CHCHD6: variants seen among roughly 807,000 people sequenced by gnomAD.
CHCHD6 encodes coiled-coil-helix-coiled-coil-helix domain containing 6, also known as MICOS complex subunit MIC25.
A neutral mutation model predicts 32.3 loss-of-function variants in CHCHD6; 28 were observed. The ratio of observed to expected loss-of-function variants is 0.87; its 90% CI spans 0.64 to 1.19. The LOEUF is 1.19. Among genes scored for constraint, CHCHD6 ranks in the 50% most tolerant of loss-of-function variants. The pLI is 0.00. For missense variants in CHCHD6, 333 were observed against 307.0 expected (o/e 1.08, Z -0.63); for synonymous variants, 122 against 117.5 (o/e 1.04, Z -0.25).
At chr3:126,924,115 C>T (rs564658848) in intron 6 of CHCHD6, among the ~76,000 whole-genome samples, 45 of 152,274 alleles carry the variant, frequency 3.0e-4, no homozygotes, top group Admixed American at 1.4e-3. Flanking sequence ...GAGCTCCAGA[C>T]GACAGCTACG....
intron 6 of CHCHD6, among the ~76,000 whole-genome samples, chr3:126,946,431 G>A (rs987715859): frequency 2.6e-5 from 4 of 152,194 alleles, no homozygotes; most frequent in African/African-American, 9.7e-5. Flanking sequence ...GTCACACGCA[G>A]CCTCTGCCTC....
intron 7 of CHCHD6, among the ~76,000 whole-genome samples, chr3:126,959,917 G>T (rs1158945662): frequency 6.6e-6 from 1 of 152,242 alleles, no homozygotes; most frequent in African/African-American, 2.4e-5. Context: ...AGGGGCAGGG[G>T]ACCTGCCTTC....
chr3:126,859,549 G>A (rs571606071), intron 5 of CHCHD6, among the ~76,000 whole-genome samples: 2 of 152,348 alleles, frequency 1.3e-5, no homozygotes, highest in African/African-American at 4.8e-5. Context: ...CAGAATGACA[G>A]TCACTATAAT....
chr3:126,960,128 A>T, intron 7 of CHCHD6, 68 bp from the exon 8 acceptor site: 1 of 1,548,202 alleles, frequency 6.5e-7, no homozygotes, highest in South Asian at 1.2e-5. Context: ...TCACAGGGCG[A>T]TCTGCACGGA....
rs1255739654 is a variant in CHCHD6 at position 126,869,718 on chromosome 3, G to T, written c.495+16988G>T. ...GTTACTCTGTTTTCCTGATCTGTTG[G>T]TTTAATGTTATAGATACTACTTTTG... is the stretch of plus-strand genomic sequence containing the variant. On this transcript the variant is annotated intron_variant, in intron 5 of 7. Transcript: ENST00000290913. 3.9e-5 allele frequency among the ~76,000 whole-genome samples: 6 copies of T among 152,148 alleles called. No individual in the cohort carries two copies. The South Asian group carries it at 1.0e-3, about 26-fold the overall frequency.
At chr3:126,765,522 C>T (rs1937334478) in intron 4 of CHCHD6, among the ~76,000 whole-genome samples, 1 of 152,208 alleles carries the variant, frequency 6.6e-6, no homozygotes, top group Admixed American at 6.5e-5. Flanking sequence ...CAGAACGGTA[C>T]CCCGAGTCTC....
At chr3:126,916,174 G>T (rs1227304481) in intron 6 of CHCHD6, among the ~76,000 whole-genome samples, 3 of 152,076 alleles carry the variant, frequency 2.0e-5, no homozygotes, top group Non-Finnish European at 2.9e-5. Context: ...GCCGAGGTGG[G>T]CAGATCACCT....
intron 4 of CHCHD6, among the ~76,000 whole-genome samples, chr3:126,748,880 T>C (rs115275299): frequency 0.012 from 1,812 of 152,124 alleles, 18 homozygotes; most frequent in Middle Eastern, 0.048. Flanking sequence ...CCTGGTCCAG[T>C]TGGAGAAACA....
chr3:126,922,622 CGTGTGTGTGT>C (rs10544737), intron 6 of CHCHD6, among the ~76,000 whole-genome samples: 4 of 147,740 alleles, frequency 2.7e-5, no homozygotes, highest in Admixed American at 6.7e-5. Flanking sequence ...CAGCCCACCA[CGTGTGTGTGT>C]GTGTGTGTGT....
chr3:126,957,920 T>G, intron 7 of CHCHD6: 1 of 368,630 alleles, frequency 2.7e-6, no homozygotes, highest in Non-Finnish European at 5.2e-6. Context: ...GAGGCCCGAG[T>G]GCAGAGTGGG....
Position 126,733,189 on chromosome 3 carries a change from C to T in CHCHD6, c.378C>T (p.Ser126=), listed in dbSNP as rs777411596. The T allele has an allele frequency of 2.5e-6, 4 of 1,614,142 alleles. No homozygotes were observed. Among genetic ancestry groups the T allele is most frequent in the East Asian group, 2.2e-5 (1 of 44,882 alleles). ...CATCCCTGCCCACGGGCGAAGGCAG[C>T]ATCAGCCATGAGGAGCAGAAGTCAG... ...SKASLPTGEG[S]ISHEEQKSVR... The change falls in exon 4 of 8, where the codon AGC becomes AGT. Residue 126 remains serine (S), a synonymous_variant. Coordinates refer to ENST00000290913, the MANE Select transcript of CHCHD6 (RefSeq NM_032343.3).
intron 5 of CHCHD6, among the ~76,000 whole-genome samples, chr3:126,912,831 G>A (rs914155732): frequency 2.6e-5 from 4 of 152,242 alleles, no homozygotes; most frequent in Non-Finnish European, 4.4e-5. Context: ...CTAGAGGGGG[G>A]CCTGGTTTCC....
At chr3:126,790,806 G>A (rs1938493107) in intron 4 of CHCHD6, among the ~76,000 whole-genome samples, 2 of 152,194 alleles carry the variant, frequency 1.3e-5, no homozygotes, top group African/African-American at 4.8e-5. Flanking sequence ...ATTGTCTGAA[G>A]CCTTCTTCTC....
chr3:126,865,467 A>G (rs1185156333), intron 5 of CHCHD6: 1 of 626,830 alleles, frequency 1.6e-6, no homozygotes, highest in African/African-American at 2.0e-5. Context: ...CAGTGCCTAC[A>G]CTTTCATCAA....
rs551228030 is a variant in CHCHD6, at chr3:126,732,970, G to C, written c.267-108G>C. On this transcript the variant is annotated intron_variant, in intron 3 of 7. Coordinates refer to ENST00000290913, the MANE Select transcript of CHCHD6 (RefSeq NM_032343.3). ...TCCTTTCCTGACCAGCCGCTGGCTG[G>C]TTTCAGCATTTCCCTGGTGGCTGAA... The C allele has an allele frequency of 3.7e-5, 47 of 1,277,810 alleles. No homozygotes were observed. The African/African-American group carries it at 6.4e-4, about 18-fold the overall frequency. 79.2% of individuals were successfully genotyped at this position (1,277,810 alleles called of 1,614,324 possible). A position where few individuals can be genotyped will look rare whatever the true frequency, so the allele number is the denominator to read the frequency against.
intron 4 of CHCHD6, among the ~76,000 whole-genome samples, chr3:126,846,108 C>T (rs1200508300): frequency 6.6e-6 from 1 of 152,124 alleles, no homozygotes; most frequent in Non-Finnish European, 1.5e-5. Context: ...TGCCAGCCAC[C>T]AGAAGGGGCA....
chr3:126,850,201 C>A (rs970593177), intron 4 of CHCHD6, among the ~76,000 whole-genome samples: 2 of 152,226 alleles, frequency 1.3e-5, no homozygotes, highest in African/African-American at 2.4e-5. Flanking sequence ...AGCTCACCAC[C>A]CTGGTGGCTC....
intron 6 of CHCHD6, among the ~76,000 whole-genome samples, chr3:126,932,593 T>G (rs2078421755): frequency 6.6e-6 from 1 of 152,156 alleles, no homozygotes; most frequent in South Asian, 2.1e-4. Flanking sequence ...CCAGAGAGCC[T>G]GTGGTGGGCG....
chr3:126,768,331 T>A (rs1000372018), intron 4 of CHCHD6, among the ~76,000 whole-genome samples: 1 of 152,164 alleles, frequency 6.6e-6, no homozygotes, highest in Non-Finnish European at 1.5e-5. Flanking sequence ...CCTTACACCA[T>A]GATTGGAAAC....
Sources: gnomAD v4.1 joint callset for allele counts (sites outside exome capture counted in the v4.1 genomes callset) on GRCh38, gnomAD v4.1.1 for gene constraint, MANE v1.5 for transcripts, NCBI Gene and HGNC (gene_info 2026-07-23, HGNC 2026-07-21) for gene names.